The following TMEM67 variants were observed in gnomAD, a reference collection of about 807,000 sequenced individuals.
TMEM67 encodes transmembrane protein 67.
TMEM67 carries 124 observed loss-of-function variants against 136.6 expected under a neutral mutation model. The ratio of observed to expected loss-of-function variants is 0.91; its 90% CI spans 0.78 to 1.05. The LOEUF is 1.05. TMEM67 is among the 50% of genes least tolerant of loss of function. The pLI is 0.00. For missense variants in TMEM67, 1,107 were observed against 1,178.4 expected, an observed-to-expected ratio of 0.94 and a Z score of 0.89; for synonymous variants, 364 against 390.5, an observed-to-expected ratio of 0.93 and a Z score of 0.80.
At chr8:93,825,340 G>A in the TMEM67 span, among the ~76,000 whole-genome samples, 4 of 152,296 alleles carry the variant, frequency 2.6e-5, no homozygotes, top group Non-Finnish European at 4.4e-5. Flanking sequence ...GCTCAATATG[G>A]AACAACACTG....
chr8:93,786,644 A>G (rs1236710156), intron 13 of TMEM67, among the ~76,000 whole-genome samples: 1 of 152,224 alleles, frequency 6.6e-6, no homozygotes, highest in Non-Finnish European at 1.5e-5. Context: ...TTGGTGTTTC[A>G]GGAAGAGCTT....
Position 93,754,929 on chromosome 8 carries a change from T to TG in TMEM67, c.19dup (p.Ala7GlyfsTer50), listed in dbSNP as rs1563672380. The TG allele has an allele frequency of 6.2e-7, 1 of 1,613,720 alleles. No individual in the cohort carries two copies. Among genetic ancestry groups the TG allele is most frequent in the Admixed American group, 1.7e-5 (1 of 60,002 alleles). On this transcript the variant is annotated frameshift_variant, in exon 1 of 28. Transcript: ENST00000453321. LOFTEE classifies it high-confidence loss of function. Reference sequence around the variant, plus strand: ...GCGTCGGTACCATGGCGACGCGCGGTGGGGCTGGGGTGGCAATGGCGGTTT... The same window carrying TG: ...GCGTCGGTACCATGGCGACGCGCGGTGGGGGCTGGGGTGGCAATGGCGGTTT...
In TMEM67 at chr8:93,786,296, C is replaced by G. The variant is rs1362471102; in HGVS notation, c.1362C>G (p.Asp454Glu). Residue 454 changes from aspartate (D) to glutamate (E), a missense_variant, in exon 13 of 28, where the codon GAC becomes GAG. Coordinates refer to ENST00000453321, the MANE Select transcript of TMEM67 (RefSeq NM_153704.6). ...LVDAVSGREN[D>E]LGTQPRVIRV... ...ATGCAGTAAGTGGACGAGAAAATGACTTAGGAACTCAGCCAAGAGTAATTC... is the reference window on the plus strand; with the variant it reads ...ATGCAGTAAGTGGACGAGAAAATGAGTTAGGAACTCAGCCAAGAGTAATTC... 1 of 1,613,980 alleles carries G rather than the reference C, an allele frequency of 6.2e-7. No homozygotes were observed. Among genetic ancestry groups the G allele is most frequent in the Admixed American group, 1.7e-5 (1 of 60,024 alleles).
chr8:93,788,478 A>T (rs1199524401), intron 14 of TMEM67, among the ~76,000 whole-genome samples: 1 of 152,164 alleles, frequency 6.6e-6, no homozygotes, highest in Non-Finnish European at 1.5e-5. Context: ...CAGGAGGATC[A>T]CTTGAACCTG....
At chr8:93,758,377 T>C in intron 2 of TMEM67, 106 bp from the exon 3 acceptor site, 1 of 802,828 alleles carries the variant, frequency 1.2e-6, no homozygotes, top group Non-Finnish European at 2.1e-6. Context: ...ATGATTTATT[T>C]GAATATTCAC....
At chr8:93,811,325 GCAAAGAC>G (rs78723928) in intron 26 of TMEM67, 38,915 of 152,146 alleles carry the variant, frequency 0.26, 5,171 homozygotes, top group South Asian at 0.34. Context: ...AGAGAAAGAG[GCAAAGAC>G]ATTCATGCAG....
intron 26 of TMEM67, 94 bp from the exon 27 acceptor site, chr8:93,815,211 G>T (rs1052363729): frequency 6.0e-6 from 5 of 828,908 alleles, no homozygotes; most frequent in Non-Finnish European, 9.3e-6. Context: ...CTAATGTGCT[G>T]TTTTTAAACA....
intron 8 of TMEM67, 28 bp from the exon 9 acceptor site, chr8:93,780,846 T>C: frequency 6.3e-7 from 1 of 1,596,462 alleles, no homozygotes. Context: ...TTATTCTCCA[T>C]TATTAAAACA....
downstream of TMEM67, among the ~76,000 whole-genome samples, chr8:93,822,764 A>G (rs1809059009): frequency 6.6e-6 from 1 of 152,224 alleles, no homozygotes; most frequent in African/African-American, 2.4e-5. Flanking sequence ...GCTAAAATAA[A>G]GATGATATAC....
chr8:93,795,608 C>T lies in TMEM67; in HGVS notation c.1773+101C>T. The T allele has an allele frequency of 2.7e-6, 3 of 1,098,286 alleles. No individual in the cohort carries two copies. The South Asian group carries it at 3.8e-5, about 14-fold the overall frequency. 68.0% of individuals were successfully genotyped at this position (1,098,286 alleles called of 1,614,324 possible). Reference sequence around the variant, plus strand: ...TTTATTTGAGAGAATTTTTGATCAACAGTATTAAGAAAAGTTCCCAACTCC... The same window carrying T: ...TTTATTTGAGAGAATTTTTGATCAATAGTATTAAGAAAAGTTCCCAACTCC... On this transcript the variant is annotated intron_variant, in intron 17 of 27. Transcript: ENST00000453321.
At chr8:93,797,021 TA>T (rs1466096419) in intron 18 of TMEM67, 112 bp from the exon 19 acceptor site, 2 of 720,118 alleles carry the variant, frequency 2.8e-6, no homozygotes, top group Non-Finnish European at 5.0e-6. Context: ...AATTCACTCA[TA>T]AAATTATATG....
In TMEM67 at chr8:93,812,662, A is replaced by G. The variant is rs187998923; in HGVS notation, c.2765-2643A>G. 5.3e-5 allele frequency among the ~76,000 whole-genome samples: 8 copies of G among 152,336 alleles called. No homozygotes were observed. In the East Asian group the frequency reaches 1.5e-3, roughly 29 times the overall value. On this transcript the variant is annotated intron_variant, in intron 26 of 27. Coordinates refer to ENST00000453321, the MANE Select transcript of TMEM67 (RefSeq NM_153704.6). ...AATCCTCTAAAAGTTTTGTGGGGTT[A>G]TTATGTGTTAATATAAAGAACCCAG... is the stretch of plus-strand genomic sequence containing the variant.
At chr8:93,791,354 T>A in intron 15 of TMEM67, 35 bp downstream of exon 15, 1 of 1,405,858 alleles carries the variant, frequency 7.1e-7, no homozygotes, top group Non-Finnish European at 1.0e-6. Context: ...ATATATACAG[T>A]GTATTTTATA....
At chr8:93,762,599 A>G (rs1188357157) in intron 3 of TMEM67, among the ~76,000 whole-genome samples, 1 of 152,198 alleles carries the variant, frequency 6.6e-6, no homozygotes, top group East Asian at 1.9e-4. Context: ...TTTCATTGGC[A>G]CTGTTGCCTC....
intron 2 of TMEM67, 37 bp downstream of exon 2, chr8:93,755,903 A>G (rs769241764): frequency 8.8e-7 from 1 of 1,139,332 alleles, no homozygotes. Flanking sequence ...TTACCTGTAA[A>G]AAGTAGTAAG....
At chr8:93,809,030 T>G in intron 24 of TMEM67, 27 bp from the exon 25 acceptor site, 1 of 1,542,062 alleles carries the variant, frequency 6.5e-7, no homozygotes, top group Non-Finnish European at 9.0e-7. Flanking sequence ...CATAACACTT[T>G]GTATTCATTT....
chr8:93,789,932 T>C (rs1247967642), intron 14 of TMEM67, among the ~76,000 whole-genome samples: 1 of 149,374 alleles, frequency 6.7e-6, no homozygotes, highest in Non-Finnish European at 1.5e-5. Context: ...AAAAAAATTA[T>C]CTGGGCATGG....
chr8:93,799,652 C>T lies in TMEM67; in HGVS notation c.2135C>T (p.Ser712Leu), dbSNP rs1814779163. The T allele has an allele frequency of 6.2e-7, 1 of 1,613,858 alleles. No homozygotes were observed. Among genetic ancestry groups the T allele is most frequent in the African/African-American group, 1.3e-5 (1 of 75,032 alleles). ...VGFKNLALMD[S>L]SSSLSRNPPS... The stretch of plus-strand genomic sequence containing the variant: ...TTCAAGAACTTAGCATTAATGGACT[C>T]ATCTTCTAGTCTTTCTAGAAACCCA... The change falls in exon 21 of 28, where the codon TCA (serine) becomes TTA (leucine). Residue 712 changes from serine to leucine, a missense_variant. Physicochemically the swap from Ser to Leu is moderately radical, Grantham distance 145 (BLOSUM62 -2). This residue lies in a region of TMEM67 where 925 missense variants were observed against 1,002.4 expected (regional missense o/e 0.92). Transcript: ENST00000453321.
chr8:93,824,533 G>A, the TMEM67 span, among the ~76,000 whole-genome samples: 1 of 152,238 alleles, frequency 6.6e-6, no homozygotes, highest in Non-Finnish European at 1.5e-5. Flanking sequence ...GCTGCAGGAA[G>A]AGCCATCATT....
Sources: allele counts gnomAD v4.1 joint callset (sites outside exome capture counted in the v4.1 genomes callset), GRCh38; gene constraint gnomAD v4.1.1; regional missense constraint gnomAD v4.1.1; transcripts MANE v1.5; gene names NCBI Gene and HGNC (gene_info 2026-07-23, HGNC 2026-07-21).